Variants in CD22 observed in about 807,000 individuals in gnomAD.
CD22 encodes the protein B-cell receptor CD22.
A neutral mutation model predicts 94.7 loss-of-function variants in CD22; 51 were observed. That is an observed-to-expected ratio of 0.54 (90% CI 0.43 to 0.68). The LOEUF is 0.68. Ranked by LOEUF, CD22 falls within the 30% of genes least tolerant of loss-of-function variation. The pLI is 0.00. For missense variants in CD22, 931 were observed against 1,060.4 expected, an observed-to-expected ratio of 0.88 and a Z score of 1.69; for synonymous variants, 424 against 422.5, an observed-to-expected ratio of 1.00 and a Z score of -0.04.
At chr19:35,340,788 C>A in intron 6 of CD22, 93 bp from the exon 7 acceptor site, 1 of 1,411,346 alleles carries the variant, frequency 7.1e-7, no homozygotes. Flanking sequence ...TGTGCAGATG[C>A]CCGGGACAGG....
chr19:35,331,953 G>C (rs764041496), intron 1 of CD22, 66 bp from the exon 2 acceptor site: 143 of 1,611,174 alleles, frequency 8.9e-5, no homozygotes, highest in Non-Finnish European at 1.1e-4. Flanking sequence ...CAGTGGGTGA[G>C]CAAGAAAAGC....
intron 12 of CD22, 87 bp downstream of exon 12, chr19:35,345,807 GC>G: frequency 1.1e-6 from 1 of 935,758 alleles, no homozygotes; most frequent in Non-Finnish European, 1.7e-6. Flanking sequence ...TTTGTGCCAG[GC>G]CCATGCCAGG....
chr19:35,345,153 C>A, intron 11 of CD22, 27 bp downstream of exon 11: 1 of 1,604,636 alleles, frequency 6.2e-7, no homozygotes, highest in Non-Finnish European at 8.5e-7. Context: ...CACGATGGCT[C>A]ATGCCTGTAA....
At chr19:35,330,641 T>C (rs1051448904) in intron 1 of CD22, 3 of 152,198 alleles carry the variant, frequency 2.0e-5, no homozygotes, top group African/African-American at 7.3e-5. Flanking sequence ...GGAACATTGA[T>C]GCGTGTGAAA....
chr19:35,336,043 T>C lies in CD22; in HGVS notation c.420T>C (p.Pro140=), dbSNP rs1325227611. ...GGCTCTGTTCTTTTGCAGAAAGGCC[T>C]TTTCCACCTCATATCCAGCTCCCTC... is the stretch of plus-strand genomic sequence containing the variant. ...ERIHLNVSER[P]FPPHIQLPPE... The change falls in exon 4 of 14, where the codon CCT becomes CCC. Residue 140 remains proline (P), a synonymous_variant. Transcript: ENST00000085219. The C allele has an allele frequency of 6.2e-7, 1 of 1,612,572 alleles. No individual in the cohort carries two copies. Among genetic ancestry groups the C allele is most frequent in the Non-Finnish European group, 8.5e-7 (1 of 1,179,016 alleles).
intron 6 of CD22, among the ~76,000 whole-genome samples, chr19:35,339,012 G>A (rs1304233969): frequency 6.6e-6 from 1 of 151,652 alleles, no homozygotes; most frequent in Non-Finnish European, 1.5e-5. Flanking sequence ...AGGCAGGAGG[G>A]TCTCTTGAAC....
In CD22 at chr19:35,330,191, A is replaced by G. The variant is rs377498434; in HGVS notation, c.-23+961A>G. 4.0e-5 allele frequency among the ~76,000 whole-genome samples: 6 copies of G among 151,738 alleles called. 1 individual carries two copies. Among genetic ancestry groups the G allele is most frequent in the East Asian group, 1.9e-4 (1 of 5,156 alleles). On this transcript the variant is annotated intron_variant, in intron 1 of 13. Coordinates refer to ENST00000085219, the MANE Select transcript of CD22 (RefSeq NM_001771.4). ...ACAAACAAACAAACAAACAAATCAG[A>G]CGGGTGTGGTGGCACATGCCTATAG...
intron 3 of CD22, among the ~76,000 whole-genome samples, chr19:35,333,969 A>G (rs1368285268): frequency 4.6e-5 from 7 of 152,194 alleles, no homozygotes; most frequent in Admixed American, 6.5e-5. Flanking sequence ...ACTGTTGTTG[A>G]ACCCCAAAGG....
rs182917890 is a variant in CD22 at position 35,342,082 on chromosome 19, C to G, written c.2035+117C>G. 673 of 932,156 alleles carry G rather than the reference C, an allele frequency of 7.2e-4. 6 individuals are homozygous for G. The African/African-American group carries it at 9.7e-3, about 13-fold the overall frequency. 57.7% of individuals were successfully genotyped at this position (932,156 alleles called of 1,614,324 possible). On this transcript the variant is annotated intron_variant, in intron 9 of 13. Transcript: ENST00000085219. ...TCTTTCTCTCTTTCTTTTCCTCCTC[C>G]TCTTCTTCCCCTCCTCCTCCTCTTC...
At position 35,338,310 on chromosome 19, in the gene CD22, G is replaced by A. The variant is rs1339133245; in HGVS notation, c.1128G>A (p.Arg376=). ...WYHNGKEMQG[R]TEEKVHIPKI... ...ACAATGGGAAAGAAATGCAGGGAAG[G>A]ACAGAGGAGAAAGTCCACATCCCAA... Residue 376 remains arginine (R), a synonymous_variant, in exon 6 of 14, where the codon AGG becomes AGA. Transcript: ENST00000085219. 1 of 1,614,122 alleles carries A rather than the reference G, an allele frequency of 6.2e-7. No individual in the cohort carries two copies. Among genetic ancestry groups the A allele is most frequent in the African/African-American group, 1.3e-5 (1 of 74,944 alleles).
chr19:35,333,954 A>G (rs1057091678), intron 3 of CD22, among the ~76,000 whole-genome samples: 5 of 152,210 alleles, frequency 3.3e-5, no homozygotes, highest in African/African-American at 1.2e-4. Flanking sequence ...TCAAGGTCAG[A>G]TGACACTGTT....
chr19:35,329,873 G>A (rs2066621195), intron 1 of CD22: 1 of 153,402 alleles, frequency 6.5e-6, no homozygotes, highest in Non-Finnish European at 1.5e-5. Flanking sequence ...AAAGAACTCT[G>A]GCTCTGCAAC....
intron 3 of CD22, among the ~76,000 whole-genome samples, chr19:35,333,943 T>C (rs1430424890): frequency 1.3e-5 from 2 of 152,218 alleles, no homozygotes; most frequent in Non-Finnish European, 2.9e-5. Flanking sequence ...TCATGAGCTC[T>C]TCAAGGTCAG....
chr19:35,342,448 CA>C (rs1393733736), intron 9 of CD22, among the ~76,000 whole-genome samples: 1 of 152,120 alleles, frequency 6.6e-6, no homozygotes, highest in African/African-American at 2.4e-5. Context: ...GGATTAGAGC[CA>C]TGAGCCACTG....
In CD22 at chr19:35,336,060, A is replaced by G. The variant is rs775579499; in HGVS notation, c.437A>G (p.Gln146Arg). 3.7e-6 allele frequency: 6 copies of G among 1,613,616 alleles called. No individual in the cohort carries two copies. The highest frequency in any genetic ancestry group is 3.3e-5 in the Admixed American group (2 of 59,972). ...GAAAGGCCTTTTCCACCTCATATCC[A>G]GCTCCCTCCAGAAATTCAAGAGTCC... ...VSERPFPPHI[Q>R]LPPEIQESQE... Residue 146 changes from glutamine (Q) to arginine (R), a missense_variant, in exon 4 of 14, where the codon CAG becomes CGG. Coordinates refer to ENST00000085219, the MANE Select transcript of CD22 (RefSeq NM_001771.4).
rs550216523 is a variant in CD22, at chr19:35,337,996, G to T, written c.960G>T (p.Ser320=). The T allele has an allele frequency of 6.2e-7, 1 of 1,612,842 alleles. No individual in the cohort carries two copies. The highest frequency in any genetic ancestry group is 8.5e-7 in the Non-Finnish European group (1 of 1,179,236). The stretch of plus-strand genomic sequence containing the variant: ...CCAATGACGTGGGCCCGGGAAGGTC[G>T]GAAGAAGTGTTCCTGCAAGTGCAGT... The part of the protein sequence containing the change: ...QVSNDVGPGR[S]EEVFLQVQYA... Residue 320 remains serine, a synonymous_variant, in exon 5 of 14, where the codon TCG becomes TCT. Transcript: ENST00000085219. The surrounding 1 kb of genome is among the most constrained non-coding windows in gnomAD (Gnocchi z 4.4).
At position 35,346,683 on chromosome 19, in the gene CD22, A is replaced by G; in HGVS notation, c.2530A>G (p.Ile844Val). Residue 844 changes from isoleucine (I) to valine (V), a missense_variant, in exon 14 of 14, where the codon ATC (isoleucine) becomes GTC (valine). Coordinates refer to ENST00000085219, the MANE Select transcript of CD22 (RefSeq NM_001771.4). Reference protein sequence around the residue: ...PQAQENVDYVILKH With the variant: ...PQAQENVDYVVLKH ...GGCACAAGAAAATGTGGACTATGTG[A>G]TCCTCAAACATTGACACTGGATGGG... is the stretch of plus-strand genomic sequence containing the variant. 6.2e-7 allele frequency: 1 copy of G among 1,609,294 alleles called. No homozygotes were observed. The highest frequency in any genetic ancestry group is 1.7e-5 in the Admixed American group (1 of 59,488).
intron 3 of CD22, among the ~76,000 whole-genome samples, chr19:35,335,489 T>C (rs1419093312): frequency 6.6e-6 from 1 of 151,860 alleles, no homozygotes; most frequent in East Asian, 1.9e-4. Context: ...CCTAGGAGGT[T>C]GAGGCTACAG....
intron 9 of CD22, among the ~76,000 whole-genome samples, chr19:35,342,834 G>A (rs564661703): frequency 4.6e-5 from 7 of 151,322 alleles, no homozygotes; most frequent in Non-Finnish European, 7.4e-5. Flanking sequence ...TTTTTTAAAC[G>A]GAGTCTCGAT....
Sources: gnomAD v4.1 joint callset for allele counts (sites outside exome capture counted in the v4.1 genomes callset) on GRCh38, gnomAD v4.1.1 for gene constraint, Gnocchi (gnomAD v3.1) non-coding constraint, MANE v1.5 for transcripts, NCBI Gene and HGNC (gene_info 2026-07-23, HGNC 2026-07-21) for gene names.